The following ZCCHC4 variants were observed in gnomAD, a reference collection of about 807,000 sequenced individuals.
ZCCHC4 encodes the protein zinc finger CCHC-type containing 4, also known as rRNA N(6)-adenosine-methyltransferase ZCCHC4.
In ZCCHC4, 54 loss-of-function variants were observed where a neutral mutation model predicts 67.7. The observed-to-expected ratio is 0.80, with a 90% CI of 0.64 to 1.00. The LOEUF is 1.00. Ranked by LOEUF, ZCCHC4 falls within the 50% of genes least tolerant of loss-of-function variation. ZCCHC4 has a pLI of 0.00. For synonymous variants in ZCCHC4, 198 were observed against 213.5 expected (o/e 0.93, Z 0.63); for missense variants, 609 against 617.0 (o/e 0.99, Z 0.14).
chr4:25,366,030 T>C (rs1720927753), intron 12 of ZCCHC4: 2 of 850,510 alleles, frequency 2.4e-6, no homozygotes, highest in African/African-American at 2.2e-5. Flanking sequence ...CAGATTGGGC[T>C]ACCATGTGAC....
rs760523701 is a variant in ZCCHC4, at chr4:25,333,274, A to C, written c.421A>C (p.Ser141Arg). ...GTTACCAGATGACTGGGGGCAACAT[A>C]GTGAGCATCAGGTTCTGGGTAATGT... ...LLLPDDWGQH[S>R]EHQVLGNVSI... The change falls in exon 4 of 13, where the codon AGT (serine) becomes CGT (arginine). Residue 141 changes from serine to arginine, a missense_variant. By Grantham distance (110) the Ser-to-Arg change is moderately radical (BLOSUM62 -1). Coordinates refer to ENST00000302874, the MANE Select transcript of ZCCHC4 (RefSeq NM_024936.3). 4 of 1,614,168 alleles carry C rather than the reference A, an allele frequency of 2.5e-6. No homozygotes were observed. The highest frequency in any genetic ancestry group is 1.3e-5 in the African/African-American group (1 of 75,052).
At chr4:25,334,044 T>C in intron 5 of ZCCHC4, 56 bp downstream of exon 5, 1 of 1,229,408 alleles carries the variant, frequency 8.1e-7, no homozygotes, top group Non-Finnish European at 1.1e-6. Context: ...TTTTTAATGT[T>C]TTTCTGTTTT....
chr4:25,339,270 G>A (rs1350515711), intron 5 of ZCCHC4, among the ~76,000 whole-genome samples: 2 of 152,156 alleles, frequency 1.3e-5, no homozygotes, highest in African/African-American at 4.8e-5. Context: ...TTCAACATAA[G>A]GATTTTGGGG....
chr4:25,347,637 T>G (rs1174238742), intron 6 of ZCCHC4, among the ~76,000 whole-genome samples: 3 of 152,218 alleles, frequency 2.0e-5, no homozygotes, highest in African/African-American at 7.2e-5. Context: ...CACTAAGTAT[T>G]TAAGTGTCGG....
intron 12 of ZCCHC4, 76 bp from the exon 13 acceptor site, chr4:25,368,953 A>T: frequency 6.7e-7 from 1 of 1,482,872 alleles, no homozygotes; most frequent in Non-Finnish European, 9.0e-7. Context: ...TTGGTTAGCT[A>T]GTTAATTAAA....
At chr4:25,368,225 C>G (rs1019763943) in intron 12 of ZCCHC4, among the ~76,000 whole-genome samples, 2 of 152,154 alleles carry the variant, frequency 1.3e-5, no homozygotes, top group African/African-American at 2.4e-5. Context: ...GCTGGGTAAT[C>G]AGGGGAGGAG....
rs1213825632 is a variant in ZCCHC4 at position 25,367,522 on chromosome 4, A to G, written c.1407-1507A>G. 5.3e-5 allele frequency among the ~76,000 whole-genome samples: 8 copies of G among 152,222 alleles called. No individual in the cohort carries two copies. The East Asian group carries it at 1.5e-3, about 29-fold the overall frequency. ...CACACATGGCTTCATTGACTTTGCC[A>G]TTAGAGATTATACTATATTTCATTA... On this transcript the variant is annotated intron_variant, in intron 12 of 12. Coordinates refer to ENST00000302874, the MANE Select transcript of ZCCHC4 (RefSeq NM_024936.3).
chr4:25,314,685 A>G (rs1025001395), intron 2 of ZCCHC4, among the ~76,000 whole-genome samples: 1 of 152,192 alleles, frequency 6.6e-6, no homozygotes, highest in Non-Finnish European at 1.5e-5. Context: ...CTCTTGACGT[A>G]ATTACCTCTC....
In ZCCHC4 at chr4:25,312,777, T is replaced by G; in HGVS notation, c.-33T>G. ...GGCGCTCTTTCTCAGCATTCTTGTT[T>G]CGTACTGAGGCTTTCGGGACGGCGG... On this transcript the variant is annotated 5_prime_UTR_variant, in exon 1 of 13. Transcript: ENST00000302874. 1 of 1,611,950 alleles carries G rather than the reference T, an allele frequency of 6.2e-7. No individual in the cohort carries two copies. The highest frequency in any genetic ancestry group is 1.7e-5 in the Admixed American group (1 of 59,948).
chr4:25,333,076 T>C, intron 3 of ZCCHC4, 107 bp from the exon 4 acceptor site: 4 of 1,135,618 alleles, frequency 3.5e-6, no homozygotes, highest in Non-Finnish European at 4.9e-6. Context: ...TACGCAGTAC[T>C]CTTTAGGAAG....
At position 25,333,420 on chromosome 4, in the gene ZCCHC4, C is replaced by T; in HGVS notation, c.567C>T (p.Ala189=). 6.2e-7 allele frequency: 1 copy of T among 1,614,054 alleles called. No individual in the cohort carries two copies. Among genetic ancestry groups the T allele is most frequent in the Non-Finnish European group, 8.5e-7 (1 of 1,180,000 alleles). The change falls in exon 4 of 13, where the codon GCC becomes GCT. Residue 189 remains alanine, a synonymous_variant. Transcript: ENST00000302874. ...AGTTCTTGGTAGACTTACTTTCTGC[C>T]CTCGGATTCAGAAGAGTACTGTGTG... ...SCQFLVDLLS[A]LGFRRVLCVG... is the part of the protein sequence containing the mutation.
intron 6 of ZCCHC4, among the ~76,000 whole-genome samples, 192 bp from the exon 7 acceptor site, chr4:25,349,300 A>G (rs1720172683): frequency 6.6e-6 from 1 of 152,204 alleles, no homozygotes; most frequent in Non-Finnish European, 1.5e-5. Context: ...TGCTTATCAA[A>G]GAACCCAAAG....
At chr4:25,318,138 T>G (rs926002694) in intron 3 of ZCCHC4, among the ~76,000 whole-genome samples, 2 of 152,358 alleles carry the variant, frequency 1.3e-5, no homozygotes, top group South Asian at 4.1e-4. Flanking sequence ...TTCTGGCTTT[T>G]TTTCCAATGC....
intron 3 of ZCCHC4, among the ~76,000 whole-genome samples, chr4:25,327,580 A>G (rs1445476395): frequency 6.6e-6 from 1 of 152,056 alleles, no homozygotes; most frequent in Non-Finnish European, 1.5e-5. Flanking sequence ...CCTTGGTTCA[A>G]GTGATCCTCC....
intron 3 of ZCCHC4, among the ~76,000 whole-genome samples, chr4:25,320,434 T>C (rs1267671282): frequency 6.6e-6 from 1 of 152,042 alleles, no homozygotes; most frequent in Admixed American, 6.6e-5. Context: ...TAAACATAAT[T>C]TGTGTACTCC....
At chr4:25,324,191 T>C (rs1178291942) in intron 3 of ZCCHC4, among the ~76,000 whole-genome samples, 1 of 143,262 alleles carries the variant, frequency 7.0e-6, no homozygotes, top group Non-Finnish European at 1.5e-5. Flanking sequence ...TTTTTTTTTG[T>C]ATTTTAGTGG....
intron 5 of ZCCHC4, among the ~76,000 whole-genome samples, chr4:25,336,568 C>T (rs1367198266): frequency 1.3e-5 from 2 of 152,160 alleles, no homozygotes; most frequent in African/African-American, 4.8e-5. Context: ...CTCACTGTAA[C>T]CACTGCCTCC....
intron 4 of ZCCHC4, among the ~76,000 whole-genome samples, 185 bp downstream of exon 4, chr4:25,333,643 G>C (rs1394031992): frequency 6.6e-6 from 1 of 152,156 alleles, no homozygotes; most frequent in South Asian, 2.1e-4. Context: ...AATCTTCATA[G>C]ATTTCTTTCT....
intron 3 of ZCCHC4, among the ~76,000 whole-genome samples, chr4:25,318,686 A>T (rs1351186366): frequency 6.6e-6 from 1 of 152,018 alleles, no homozygotes; most frequent in Admixed American, 6.6e-5. Context: ...GTAGTGCCAG[A>T]GTATATTTTT....
Sources: gnomAD v4.1 joint callset for allele counts (sites outside exome capture counted in the v4.1 genomes callset) on GRCh38, gnomAD v4.1.1 for gene constraint, MANE v1.5 for transcripts, NCBI Gene and HGNC (gene_info 2026-07-23, HGNC 2026-07-21) for gene names.